Variants in PNKD observed in about 807,000 individuals in gnomAD.
PNKD encodes the protein probable thioesterase PNKD.
PNKD carries 36 observed loss-of-function variants against 45.3 expected under a neutral mutation model. That is an observed-to-expected ratio of 0.80 (90% CI 0.61 to 1.05). PNKD has a LOEUF of 1.05. Ranked by LOEUF, PNKD falls within the 50% of genes least tolerant of loss-of-function variation. The pLI is 0.00. For missense variants in PNKD, 511 were observed against 506.6 expected, an observed-to-expected ratio of 1.01 and a Z score of -0.08; for synonymous variants, 197 against 210.1, an observed-to-expected ratio of 0.94 and a Z score of 0.54.
intron 2 of PNKD, among the ~76,000 whole-genome samples, chr2:218,334,275 G>A (rs1348757988): frequency 6.6e-6 from 1 of 151,906 alleles, no homozygotes; most frequent in Non-Finnish European, 1.5e-5. Context: ...ACTATCCTAT[G>A]AAGTATTCTC....
At chr2:218,270,943 T>A (rs563832360) in intron 1 of PNKD, 1 of 340,504 alleles carries the variant, frequency 2.9e-6, no homozygotes, top group African/African-American at 2.1e-5. Context: ...CAGTTTGACC[T>A]TGGGCAAAGC....
At chr2:218,278,656 C>A (rs566522640) in intron 2 of PNKD, 1 of 1,418,116 alleles carries the variant, frequency 7.1e-7, no homozygotes, top group South Asian at 1.2e-5. Flanking sequence ...CCCAAATAGC[C>A]GTTTGGAAGT....
chr2:218,332,987 C>T (rs114236011), intron 2 of PNKD, among the ~76,000 whole-genome samples: 20 of 152,326 alleles, frequency 1.3e-4, no homozygotes, highest in African/African-American at 4.3e-4. Context: ...CACCCAGAAC[C>T]GTCCATGCCG....
At chr2:218,273,007 C>T in intron 2 of PNKD, 2 of 1,168,606 alleles carry the variant, frequency 1.7e-6, no homozygotes, top group Non-Finnish European at 2.3e-6. Context: ...GCTGGTTACT[C>T]ATGTGTGCTC....
chr2:218,283,701 C>A (rs533159998), intron 2 of PNKD, among the ~76,000 whole-genome samples: 1 of 152,300 alleles, frequency 6.6e-6, no homozygotes, highest in South Asian at 2.1e-4. Flanking sequence ...ACTGTCTTAT[C>A]TCTTCTCTTT....
intron 2 of PNKD, chr2:218,280,447 T>C: frequency 3.1e-6 from 1 of 320,044 alleles, no homozygotes; most frequent in Non-Finnish European, 6.0e-6. Context: ...GGGCATCCAC[T>C]GGGGCAGCCA....
In PNKD at chr2:218,292,647, C is replaced by T. The variant is rs1199499916; in HGVS notation, c.236+21098C>T. 4.6e-5 allele frequency: 7 copies of T among 152,230 alleles called. No individual in the cohort carries two copies. The South Asian group carries it at 1.2e-3, about 27-fold the overall frequency. 9.4% of individuals were successfully genotyped at this position (152,230 alleles called of 1,614,324 possible). A position where few individuals can be genotyped will look rare whatever the true frequency, so the allele number is the denominator to read the frequency against. On this transcript the variant is annotated intron_variant, in intron 2 of 9. Coordinates refer to ENST00000273077, the MANE Select transcript of PNKD (RefSeq NM_015488.5). ...TCCCGGGCGCGCGCGCCTCTCAGAG[C>T]CCCGACGACGCCTCACTAATAACAC...
At chr2:218,314,330 T>C (rs565737613) in intron 2 of PNKD, among the ~76,000 whole-genome samples, 1 of 142,320 alleles carries the variant, frequency 7.0e-6, no homozygotes, top group South Asian at 2.4e-4. Context: ...CAAGAGATCC[T>C]CCTACCTCAG....
At chr2:218,281,242 TCTC>T (rs1691957018) in intron 2 of PNKD, among the ~76,000 whole-genome samples, 1 of 150,794 alleles carries the variant, frequency 6.6e-6, no homozygotes, top group Admixed American at 6.6e-5. Context: ...TGCAAGCGAT[TCTC>T]CTGCCTCAGC....
chr2:218,270,802 G>A (rs1690800249), intron 1 of PNKD, 200 bp downstream of exon 1: 1 of 407,180 alleles, frequency 2.5e-6, no homozygotes, highest in East Asian at 3.6e-5. Context: ...ACACCTCCGG[G>A]GTCTTGCTGC....
At chr2:218,273,019 C>G in intron 2 of PNKD, 1 of 1,071,116 alleles carries the variant, frequency 9.3e-7, no homozygotes, top group Non-Finnish European at 1.3e-6. Flanking sequence ...TGTGTGCTCC[C>G]TCTCACAGAG....
At chr2:218,304,881 C>A (rs533482810) in intron 2 of PNKD, among the ~76,000 whole-genome samples, 1 of 152,132 alleles carries the variant, frequency 6.6e-6, no homozygotes, top group East Asian at 1.9e-4. Flanking sequence ...TCGAGACCAG[C>A]CTGGCCAACA....
intron 2 of PNKD, chr2:218,280,201 C>T: frequency 1.8e-6 from 2 of 1,085,322 alleles, no homozygotes; most frequent in Non-Finnish European, 2.8e-6. Flanking sequence ...CCCTGACAAT[C>T]TCAAAGTCTC....
chr2:218,323,940 C>G (rs1434189660), intron 2 of PNKD, among the ~76,000 whole-genome samples: 1 of 152,230 alleles, frequency 6.6e-6, no homozygotes, highest in African/African-American at 2.4e-5. Context: ...AAGTTAGGTT[C>G]TTCTGTCCCA....
intron 2 of PNKD, chr2:218,279,505 G>T: frequency 8.2e-6 from 5 of 608,866 alleles, no homozygotes; most frequent in Non-Finnish European, 1.4e-5. Context: ...TGGCTCAGAG[G>T]CAATGTGCAC....
intron 2 of PNKD, among the ~76,000 whole-genome samples, chr2:218,310,218 TTTTTG>T (rs1693560898): frequency 6.6e-6 from 1 of 151,846 alleles, no homozygotes; most frequent in Non-Finnish European, 1.5e-5. Context: ...ATGTTTTTTG[TTTTTG>T]TTTTGTTTTG....
At chr2:218,280,005 A>C in intron 2 of PNKD, 11 of 1,607,272 alleles carry the variant, frequency 6.8e-6, no homozygotes, top group Non-Finnish European at 8.5e-6. Context: ...AGGTACACCC[A>C]CCTCCCAGCG....
chr2:218,343,691 C>G lies in PNKD; in HGVS notation c.868+105C>G. 4 of 851,414 alleles carry G rather than the reference C, an allele frequency of 4.7e-6. No individual in the cohort carries two copies. The South Asian group carries it at 5.8e-5, about 12-fold the overall frequency. The allele number at this position is 851,414 out of a possible 1,614,324, so 52.7% of individuals were successfully genotyped here. A position where few individuals can be genotyped will look rare whatever the true frequency, so the allele number is the denominator to read the frequency against. ...CCTAGAAAGCAGGCCAGCCCAGTTCCTGGCCCAGAAGCGACACAGCTCCAC... is the reference window on the plus strand; with the variant it reads ...CCTAGAAAGCAGGCCAGCCCAGTTCGTGGCCCAGAAGCGACACAGCTCCAC... On this transcript the variant is annotated intron_variant, in intron 8 of 9. Transcript: ENST00000273077.
chr2:218,344,520 G>A lies in PNKD; in HGVS notation c.934G>A (p.Glu312Lys), dbSNP rs1342918773. The change falls in exon 9 of 10, where the codon GAG (glutamate) becomes AAG (lysine). Residue 312 changes from glutamate to lysine, a missense_variant. Coordinates refer to ENST00000273077, the MANE Select transcript of PNKD (RefSeq NM_015488.5). ...GVVEPENLARERKMQWVQRQR... is the reference protein window; with the variant it reads ...GVVEPENLARKRKMQWVQRQR... ...GGTGGAGCCCGAGAACCTGGCCCGG[G>A]AGAGGAAGATGCAGTGGGTGCAGCG... The A allele has an allele frequency of 6.3e-7, 1 of 1,593,584 alleles. No individual in the cohort carries two copies. Among genetic ancestry groups the A allele is most frequent in the East Asian group, 2.3e-5 (1 of 44,008 alleles).
Sources: gnomAD v4.1 joint callset for allele counts (sites outside exome capture counted in the v4.1 genomes callset) on GRCh38, gnomAD v4.1.1 for gene constraint, MANE v1.5 for transcripts, NCBI Gene and HGNC (gene_info 2026-07-23, HGNC 2026-07-21) for gene names.